Variants in RAB3C observed in about 807,000 individuals in gnomAD.
RAB3C encodes the protein ras-related protein Rab-3C.
RAB3C carries 17 observed loss-of-function variants against 26.4 expected under a neutral mutation model. That is an observed-to-expected ratio of 0.64 (90% CI 0.44 to 0.97). The LOEUF is 0.97. Among genes scored for constraint, RAB3C ranks in the 50% least tolerant of loss-of-function variants. RAB3C has a pLI of 0.00. For synonymous variants in RAB3C, 91 were observed against 95.9 expected, an observed-to-expected ratio of 0.95 and a Z score of 0.30; for missense variants, 242 against 281.9, an observed-to-expected ratio of 0.86 and a Z score of 1.01.
At chr5:58,647,994 T>C (rs983887136) in intron 2 of RAB3C, among the ~76,000 whole-genome samples, 1 of 152,202 alleles carries the variant, frequency 6.6e-6, no homozygotes, top group African/African-American at 2.4e-5. Flanking sequence ...GAATATAATA[T>C]CATTTTTAGA....
intron 4 of RAB3C, among the ~76,000 whole-genome samples, chr5:58,848,234 G>C (rs1361318914): frequency 6.6e-6 from 1 of 152,164 alleles, no homozygotes; most frequent in Admixed American, 6.5e-5. Context: ...GATGAATCTT[G>C]AGCAGTGTAA....
intron 2 of RAB3C, among the ~76,000 whole-genome samples, chr5:58,641,282 T>A (rs1747407361): frequency 6.6e-6 from 1 of 152,208 alleles, no homozygotes; most frequent in Non-Finnish European, 1.5e-5. Flanking sequence ...GTTTTCACTG[T>A]GTACCGTTGT....
chr5:58,694,290 T>TCC (rs1260517793), intron 2 of RAB3C, among the ~76,000 whole-genome samples: 2 of 152,212 alleles, frequency 1.3e-5, no homozygotes, highest in African/African-American at 4.8e-5. Flanking sequence ...TGCATAGTAT[T>TCC]CCATGGTGTA....
intron 1 of RAB3C, among the ~76,000 whole-genome samples, chr5:58,597,109 T>TA (rs369665105): frequency 0.037 from 151 of 4,120 alleles, 8 homozygotes; most frequent in Admixed American, 0.068. Context: ...TATTATATAA[T>TA]ATATATAATA....
intron 4 of RAB3C, among the ~76,000 whole-genome samples, chr5:58,841,796 G>A (rs1307067154): frequency 6.6e-6 from 1 of 152,150 alleles, no homozygotes; most frequent in African/African-American, 2.4e-5. Context: ...CAGAGATTGG[G>A]TGCTTCTACA....
intron 4 of RAB3C, among the ~76,000 whole-genome samples, chr5:58,844,677 T>C (rs1291147134): frequency 6.6e-6 from 1 of 152,136 alleles, no homozygotes; most frequent in African/African-American, 2.4e-5. Context: ...AACTAGAATC[T>C]GGAAAAAGAA....
intron 3 of RAB3C, among the ~76,000 whole-genome samples, chr5:58,766,405 C>T (rs538340578): frequency 3.9e-5 from 6 of 152,204 alleles, no homozygotes; most frequent in East Asian, 3.9e-4. Context: ...CATGAGCCAC[C>T]GCACCTAGCC....
At chr5:58,770,996 G>T (rs77971669) in intron 3 of RAB3C, among the ~76,000 whole-genome samples, 4,889 of 152,198 alleles carry the variant, frequency 0.032, 256 homozygotes, top group African/African-American at 0.11. Context: ...AAGTGTTTCA[G>T]AAAAGACTAA....
At chr5:58,674,859 A>T (rs2591913) in intron 2 of RAB3C, among the ~76,000 whole-genome samples, 50,366 of 146,696 alleles carry the variant, frequency 0.34, 8,576 homozygotes, top group East Asian at 0.43. Context: ...AAACATACAT[A>T]AAAAAAAAAA....
In RAB3C at chr5:58,785,218, C is replaced by T. The variant is rs150802886; in HGVS notation, c.372-39820C>T. 3.6e-3 allele frequency among the ~76,000 whole-genome samples: 547 copies of T among 152,284 alleles called. 2 individuals carry two copies. The highest frequency in any genetic ancestry group is 0.013 in the African/African-American group (521 of 41,548). The stretch of plus-strand genomic sequence containing the variant: ...ATTATCTGCACGATGGAAACGTCTA[C>T]GGCATTTTAAAAGCAACTGATGTGG... On this transcript the variant is annotated intron_variant, in intron 3 of 4. Coordinates refer to ENST00000282878, the MANE Select transcript of RAB3C (RefSeq NM_138453.4).
intron 3 of RAB3C, among the ~76,000 whole-genome samples, chr5:58,786,832 C>T (rs1742397272): frequency 6.6e-6 from 1 of 151,742 alleles, no homozygotes; most frequent in Admixed American, 6.6e-5. Flanking sequence ...TTTATACGCC[C>T]CCTCACCCCC....
chr5:58,811,028 A>T (rs1024605195), intron 3 of RAB3C, among the ~76,000 whole-genome samples: 3 of 152,226 alleles, frequency 2.0e-5, no homozygotes, highest in African/African-American at 7.2e-5. Context: ...GCACAGTAAG[A>T]CCAGGACTTA....
chr5:58,656,507 A>T (rs1223192681), intron 2 of RAB3C, among the ~76,000 whole-genome samples: 1 of 152,212 alleles, frequency 6.6e-6, no homozygotes, highest in African/African-American at 2.4e-5. Flanking sequence ...TCTGGCAATT[A>T]AAAACATTTT....
At position 58,859,322 on chromosome 5, in the gene RAB3C, G is replaced by A. The variant is rs556354917; in HGVS notation, c.*7971G>A. On this transcript the variant is annotated 3_prime_UTR_variant, in exon 5 of 5. Coordinates refer to ENST00000282878, the MANE Select transcript of RAB3C (RefSeq NM_138453.4). ...TTTGTATGTGAATTCTATAAAGAAA[G>A]TGGTTTTTGTTCTTTGAGTTTGTTT... 6.6e-6 allele frequency: 1 copy of A among 152,228 alleles called. No homozygotes were observed. Among genetic ancestry groups the A allele is most frequent in the Non-Finnish European group, 1.5e-5 (1 of 68,036 alleles). 9.4% of individuals were successfully genotyped at this position (152,228 alleles called of 1,614,324 possible). A position where few individuals can be genotyped will look rare whatever the true frequency, so the allele number is the denominator to read the frequency against.
At chr5:58,642,133 G>T (rs1747425236) in intron 2 of RAB3C, among the ~76,000 whole-genome samples, 1 of 152,182 alleles carries the variant, frequency 6.6e-6, no homozygotes, top group African/African-American at 2.4e-5. Context: ...TTTGCATGAT[G>T]AGCTGCATTT....
At chr5:58,811,014 G>A (rs542506825) in intron 3 of RAB3C, among the ~76,000 whole-genome samples, 5 of 152,262 alleles carry the variant, frequency 3.3e-5, no homozygotes, top group African/African-American at 4.8e-5. Context: ...CTAACCATAC[G>A]GAGGCACAGT....
intron 3 of RAB3C, among the ~76,000 whole-genome samples, chr5:58,727,955 C>CGGT (rs1561302171): frequency 5.3e-5 from 8 of 149,950 alleles, no homozygotes; most frequent in African/African-American, 2.0e-4. Context: ...GCAAACTAAA[C>CGGT]CATTCATTGT....
In RAB3C at chr5:58,851,148, T is replaced by C; in HGVS notation, c.497-16T>C. 6.3e-7 allele frequency: 1 copy of C among 1,582,878 alleles called. No individual in the cohort carries two copies. The highest frequency in any genetic ancestry group is 8.6e-7 in the Non-Finnish European group (1 of 1,166,752). ...ATGCAAAATAACCAAGATGTGTTTC[T>C]GTGTGTTTCTTCCAGGGTTTGAGTT... On this transcript the variant is annotated splice_polypyrimidine_tract_variant and intron_variant, in intron 4 of 4. Coordinates refer to ENST00000282878, the MANE Select transcript of RAB3C (RefSeq NM_138453.4).
intron 4 of RAB3C, among the ~76,000 whole-genome samples, chr5:58,834,449 T>C (rs900895735): frequency 6.6e-6 from 1 of 152,248 alleles, no homozygotes; most frequent in Non-Finnish European, 1.5e-5. Context: ...GAAACTCTAA[T>C]GAGGTTAACA....
Sources: gnomAD v4.1 joint callset for allele counts (sites outside exome capture counted in the v4.1 genomes callset) on GRCh38, gnomAD v4.1.1 for gene constraint, MANE v1.5 for transcripts, NCBI Gene and HGNC (gene_info 2026-07-23, HGNC 2026-07-21) for gene names.